ZNRF3: variants seen among roughly 807,000 people sequenced by gnomAD.
ZNRF3 encodes the protein zinc and ring finger 3, also known as E3 ubiquitin-protein ligase ZNRF3.
A neutral mutation model predicts 72.5 loss-of-function variants in ZNRF3; 23 were observed. The observed-to-expected ratio is 0.32, with a 90% CI of 0.23 to 0.45. The LOEUF is 0.45. ZNRF3 is among the 20% of genes least tolerant of loss of function. The probability of loss-of-function intolerance (pLI) is 1.00; values close to 1 mark genes in which losing one functional copy is unlikely to be tolerated. For synonymous variants in ZNRF3, 610 were observed against 545.3 expected, an observed-to-expected ratio of 1.12 and a Z score of -1.65; for missense variants, 1,169 against 1,272.1, an observed-to-expected ratio of 0.92 and a Z score of 1.23.
At chr22:28,922,774 A>G (rs2123770371) in intron 1 of ZNRF3, among the ~76,000 whole-genome samples, 1 of 152,274 alleles carries the variant, frequency 6.6e-6, no homozygotes, top group East Asian at 1.9e-4. Context: ...TGCCCGATCT[A>G]TATGTGGCAT....
At chr22:29,051,547 T>C (rs1183215202) in intron 8 of ZNRF3, among the ~76,000 whole-genome samples, 1 of 145,534 alleles carries the variant, frequency 6.9e-6, no homozygotes, top group African/African-American at 2.6e-5. Context: ...GAGGTTGCAG[T>C]GAGCCAAGAT....
intron 1 of ZNRF3, among the ~76,000 whole-genome samples, chr22:28,957,983 C>T (rs1026140995): frequency 6.6e-6 from 1 of 151,654 alleles, no homozygotes; most frequent in Non-Finnish European, 1.5e-5. Flanking sequence ...GTCAGGAGAT[C>T]GAGACCATCC....
chr22:28,895,048 T>C (rs1026655036), intron 1 of ZNRF3, among the ~76,000 whole-genome samples: 6 of 152,144 alleles, frequency 3.9e-5, no homozygotes, highest in African/African-American at 1.4e-4. Context: ...TGCCTGGCCC[T>C]GTAGACACTG....
At chr22:29,031,397 C>A (rs1168018276) in intron 2 of ZNRF3, 2 of 163,788 alleles carry the variant, frequency 1.2e-5, no homozygotes, top group Non-Finnish European at 2.5e-5. Flanking sequence ...TCACCGGTTA[C>A]CCGTGTGCTC....
At chr22:28,903,910 T>TAA (rs1157989216) in intron 1 of ZNRF3, among the ~76,000 whole-genome samples, 7 of 152,158 alleles carry the variant, frequency 4.6e-5, no homozygotes, top group African/African-American at 1.7e-4. Flanking sequence ...TCTGAGAGGC[T>TAA]CAGCCAGAAT....
At chr22:29,033,521 G>A (rs76776104) in intron 2 of ZNRF3, among the ~76,000 whole-genome samples, 1,675 of 152,266 alleles carry the variant, frequency 0.011, 39 homozygotes, top group African/African-American at 0.038. Context: ...CTCTGCTACT[G>A]CATGGAGACC....
rs1306789481 is a variant in ZNRF3, at chr22:28,928,660, A to AT, written c.300+44605dup. On this transcript the variant is annotated intron_variant, in intron 1 of 8. Transcript: ENST00000544604. Reference sequence around the variant, plus strand: ...AGGCATACGCCACCAAACCCGGCTAATTTTTTTTTTTATTTTTAGTAGAGA... The same window carrying AT: ...AGGCATACGCCACCAAACCCGGCTAATTTTTTTTTTTTATTTTTAGTAGAGA... 8.5e-3 allele frequency among the ~76,000 whole-genome samples: 1,253 copies of AT among 147,252 alleles called. 15 individuals carry two copies. The highest frequency in any genetic ancestry group is 0.029 in the African/African-American group (1,187 of 40,336).
At chr22:28,923,960 G>A (rs764313793) in intron 1 of ZNRF3, among the ~76,000 whole-genome samples, 10 of 152,250 alleles carry the variant, frequency 6.6e-5, no homozygotes, top group Non-Finnish European at 1.5e-4. Context: ...TGATGATCTC[G>A]GATCCCGCGT....
intron 1 of ZNRF3, among the ~76,000 whole-genome samples, chr22:28,915,011 G>A (rs184790372): frequency 6.6e-6 from 1 of 152,224 alleles, no homozygotes; most frequent in Non-Finnish European, 1.5e-5. Context: ...GAGGGGAGGC[G>A]TTCTCTTTTT....
chr22:29,018,007 G>A (rs759091249), intron 2 of ZNRF3: 1 of 519,076 alleles, frequency 1.9e-6, no homozygotes, highest in South Asian at 1.4e-5. Flanking sequence ...ATGTGCGTAT[G>A]CCTTAACTTT....
intron 1 of ZNRF3, among the ~76,000 whole-genome samples, chr22:28,949,749 T>G (rs972634203): frequency 5.9e-5 from 9 of 152,238 alleles, no homozygotes; most frequent in Admixed American, 5.9e-4. Context: ...CTCATTTCAT[T>G]CCTTTTTGAG....
chr22:28,930,000 A>G (rs928159415), intron 1 of ZNRF3, among the ~76,000 whole-genome samples: 2 of 152,216 alleles, frequency 1.3e-5, no homozygotes, highest in African/African-American at 2.4e-5. Flanking sequence ...GAAAAAATGA[A>G]AATGTACATT....
chr22:28,937,215 ATTTTTTTTTTT>A (rs370829828), intron 1 of ZNRF3, among the ~76,000 whole-genome samples: 8 of 8,848 alleles, frequency 9.0e-4, no homozygotes, highest in South Asian at 0.011. Flanking sequence ...ATATATATAT[ATTTTTTTTTTT>A]TTTTTTTTTT....
intron 1 of ZNRF3, among the ~76,000 whole-genome samples, chr22:28,901,286 C>CGGCA (rs143287568): frequency 6.6e-6 from 1 of 152,228 alleles, no homozygotes; most frequent in East Asian, 1.9e-4. Context: ...CAGATGTGAA[C>CGGCA]GGCACCTCCT....
At position 28,883,948 on chromosome 22, in the gene ZNRF3, TG is replaced by T; in HGVS notation, c.184del (p.Glu62ArgfsTer60). Reference protein sequence around the residue: ...GAARAKETAFVEVVLFESSPS... With the variant: ...GAARAKETAFXEVVLFESSPS... ...GCGCGGGCCAAGGAGACGGCGTTCG[TG>T]GAGGTGGTGCTGTTCGAGTCGAGCC... is the stretch of plus-strand genomic sequence containing the variant. On this transcript the variant is annotated frameshift_variant, in exon 1 of 9. Transcript: ENST00000544604. LOFTEE classifies it high-confidence loss of function. This position sits in a 1 kb window ranked among gnomAD's most constrained non-coding sequence, Gnocchi z 5.5. 1 of 1,264,896 alleles carries T rather than the reference TG, an allele frequency of 7.9e-7. No homozygotes were observed. Among genetic ancestry groups the T allele is most frequent in the Non-Finnish European group, 1.0e-6 (1 of 984,524 alleles). 78.4% of individuals were successfully genotyped at this position (1,264,896 alleles called of 1,614,324 possible).
At chr22:28,961,882 A>C (rs2035367078) in intron 1 of ZNRF3, among the ~76,000 whole-genome samples, 4 of 152,188 alleles carry the variant, frequency 2.6e-5, no homozygotes, top group Admixed American at 2.6e-4. Flanking sequence ...TTTGTTTTGC[A>C]CAGCATGGTA....
chr22:28,961,546 T>C (rs560397743), intron 1 of ZNRF3, among the ~76,000 whole-genome samples: 106 of 152,228 alleles, frequency 7.0e-4, no homozygotes, highest in Non-Finnish European at 1.2e-3. Flanking sequence ...GGCAGGAGAA[T>C]GGGGGATAAG....
intron 1 of ZNRF3, chr22:28,917,479 A>G: frequency 2.0e-6 from 2 of 981,072 alleles, no homozygotes; most frequent in Non-Finnish European, 2.4e-6. Flanking sequence ...TCATTTCAAC[A>G]AGGTAACTGA....
At chr22:29,003,255 GT>G (rs2036183057) in intron 2 of ZNRF3, among the ~76,000 whole-genome samples, 3 of 152,160 alleles carry the variant, frequency 2.0e-5, no homozygotes, top group Non-Finnish European at 4.4e-5. Context: ...AGTGGCTCAT[GT>G]CTGTAATCCC....
Sources: allele counts gnomAD v4.1 joint callset (sites outside exome capture counted in the v4.1 genomes callset), GRCh38; gene constraint gnomAD v4.1.1; non-coding constraint Gnocchi (gnomAD v3.1); transcripts MANE v1.5; gene names NCBI Gene and HGNC (gene_info 2026-07-23, HGNC 2026-07-21).